Variants in PALS1 observed in about 807,000 individuals in gnomAD.
PALS1 encodes protein associated with LIN7 1, MAGUK p55 family member, also known as protein PALS1.
Under a neutral mutation model 78.9 loss-of-function variants are expected in PALS1, and 31 were observed. The observed-to-expected ratio is 0.39, with a 90% CI of 0.30 to 0.53. The LOEUF (loss-of-function observed/expected upper bound fraction) is 0.53. PALS1 is among the 20% of genes least tolerant of loss of function. The pLI is 0.67. For missense variants in PALS1, 704 were observed against 826.5 expected, an observed-to-expected ratio of 0.85 and a Z score of 1.82; for synonymous variants, 276 against 270.9, an observed-to-expected ratio of 1.02 and a Z score of -0.18.
rs2085305674 is a variant in PALS1 at position 67,323,743 on chromosome 14, T to C, written c.1782T>C (p.Ile594=). Residue 594 remains isoleucine (I), a synonymous_variant, in exon 14 of 15, where the codon ATT becomes ATC. Coordinates refer to ENST00000261681, the MANE Select transcript of PALS1 (RefSeq NM_022474.4). ...TLRNSDLKPY[I]IFIAPPSQER... ...GGAATTCAGATTTGAAACCATATAT[T>C]ATCTTCATTGCACCCCCTTCACAAG... 5.6e-6 allele frequency: 9 copies of C among 1,603,288 alleles called. No individual in the cohort carries two copies. The South Asian group carries it at 7.8e-5, about 14-fold the overall frequency.
chr14:67,308,903 T>C (rs1031551599), intron 8 of PALS1, among the ~76,000 whole-genome samples: 15 of 152,092 alleles, frequency 9.9e-5, no homozygotes, highest in African/African-American at 3.4e-4. Context: ...TTTTGGAACA[T>C]TGGATCCCTA....
chr14:67,301,743 A>T (rs1246731413), intron 5 of PALS1, among the ~76,000 whole-genome samples: 1 of 152,182 alleles, frequency 6.6e-6, no homozygotes, highest in Non-Finnish European at 1.5e-5. Flanking sequence ...TAGGGTGTGT[A>T]GACCTTTACA....
chr14:67,263,691 T>C (rs576389550), intron 1 of PALS1, among the ~76,000 whole-genome samples: 1 of 152,342 alleles, frequency 6.6e-6, no homozygotes, highest in East Asian at 1.9e-4. Context: ...CTCTCCCTAC[T>C]TGTTTTTCTC....
chr14:67,329,794 A>G (rs1190882267), intron 14 of PALS1, among the ~76,000 whole-genome samples: 1 of 152,024 alleles, frequency 6.6e-6, no homozygotes, highest in Non-Finnish European at 1.5e-5. Flanking sequence ...AGTTCGTGCT[A>G]CTGCACTCCA....
chr14:67,252,921 G>A (rs1056555625), intron 1 of PALS1, among the ~76,000 whole-genome samples: 2 of 152,174 alleles, frequency 1.3e-5, no homozygotes, highest in African/African-American at 4.8e-5. Context: ...TTACTGGGAG[G>A]AAATCTAACA....
At chr14:67,323,898 C>A in intron 14 of PALS1, 86 bp downstream of exon 14, 1 of 702,082 alleles carries the variant, frequency 1.4e-6, no homozygotes, top group Non-Finnish European at 2.4e-6. Context: ...TTAAAAGCTA[C>A]ATTAGCTTGA....
At chr14:67,325,510 A>C (rs1349369716) in intron 14 of PALS1, among the ~76,000 whole-genome samples, 3 of 152,210 alleles carry the variant, frequency 2.0e-5, no homozygotes, top group Non-Finnish European at 4.4e-5. Context: ...TACAAAGGAA[A>C]TAGGCAGCAT....
At chr14:67,255,522 TAA>T (rs2084132439) in intron 1 of PALS1, among the ~76,000 whole-genome samples, 1 of 152,222 alleles carries the variant, frequency 6.6e-6, no homozygotes, top group Non-Finnish European at 1.5e-5. Context: ...TCCTAAATAC[TAA>T]AGAGCCATGA....
At chr14:67,252,036 G>C (rs2084072223) in intron 1 of PALS1, among the ~76,000 whole-genome samples, 1 of 152,148 alleles carries the variant, frequency 6.6e-6, no homozygotes, top group South Asian at 2.1e-4. Context: ...ACTGGAGAAG[G>C]CATGGAAGCT....
At chr14:67,324,627 C>T (rs781600995) in intron 14 of PALS1, among the ~76,000 whole-genome samples, 4 of 152,102 alleles carry the variant, frequency 2.6e-5, no homozygotes, top group Non-Finnish European at 5.9e-5. Context: ...CTCTATTGCC[C>T]AGGCTGGAGT....
chr14:67,302,536 C>A lies in PALS1; in HGVS notation c.928C>A (p.Arg310=). The change falls in exon 7 of 15, where the codon CGG becomes AGG. Residue 310 remains arginine, a synonymous_variant. Transcript: ENST00000261681. Reference sequence around the variant, plus strand: ...TCTAGAGATTAATGGCATTGAAATTCGGGGGAAAGATGTCAATGAGGTTTT... The same window carrying A: ...TCTAGAGATTAATGGCATTGAAATTAGGGGGAAAGATGTCAATGAGGTTTT... ...EVLEINGIEI[R]GKDVNEVFDL... 2 of 1,576,394 alleles carry A rather than the reference C, an allele frequency of 1.3e-6. No individual in the cohort carries two copies. The highest frequency in any genetic ancestry group is 1.2e-5 in the South Asian group (1 of 84,192).
At chr14:67,289,235 T>C (rs562410213) in intron 3 of PALS1, among the ~76,000 whole-genome samples, 7 of 152,318 alleles carry the variant, frequency 4.6e-5, no homozygotes, top group African/African-American at 1.7e-4. Flanking sequence ...CCCAAAGTGC[T>C]GGGATTACAG....
chr14:67,324,667 C>T (rs1051562046), intron 14 of PALS1, among the ~76,000 whole-genome samples: 5 of 151,938 alleles, frequency 3.3e-5, no homozygotes, highest in Non-Finnish European at 5.9e-5. Flanking sequence ...TCACTGCAGG[C>T]GCAGACTCTG....
chr14:67,313,139 A>G (rs2085118950), intron 9 of PALS1, among the ~76,000 whole-genome samples: 1 of 152,212 alleles, frequency 6.6e-6, no homozygotes, highest in Admixed American at 6.5e-5. Context: ...CTTAGGGCAG[A>G]AACAGGATGC....
intron 1 of PALS1, among the ~76,000 whole-genome samples, chr14:67,242,576 A>G (rs528613908): frequency 3.3e-5 from 5 of 152,280 alleles, no homozygotes; most frequent in African/African-American, 1.2e-4. Flanking sequence ...TCTTTGAAGT[A>G]TTGGTGGTAA....
chr14:67,323,615 A>AATATATATATATATATAT (rs150511527), intron 13 of PALS1, 87 bp from the exon 14 acceptor site: 168 of 260,256 alleles, frequency 6.5e-4, no homozygotes, highest in Admixed American at 1.2e-3. Flanking sequence ...CCCTTAATCT[A>AATATATATATATATATAT]ATATATATAT....
At chr14:67,281,734 TAGTA>T (rs999929064) in intron 3 of PALS1, among the ~76,000 whole-genome samples, 1 of 152,128 alleles carries the variant, frequency 6.6e-6, no homozygotes, top group African/African-American at 2.4e-5. Flanking sequence ...CGGATTCACT[TAGTA>T]AGAGAACAGT....
At chr14:67,320,028 T>A (rs1000542589) in intron 11 of PALS1, among the ~76,000 whole-genome samples, 17 of 152,234 alleles carry the variant, frequency 1.1e-4, no homozygotes, top group Admixed American at 9.8e-4. Context: ...GCATGAATTT[T>A]TTATTTCAAA....
In PALS1 at chr14:67,324,253, T is replaced by A. The variant is rs76289930; in HGVS notation, c.1851+441T>A. 4.4e-3 allele frequency among the ~76,000 whole-genome samples: 677 copies of A among 152,340 alleles called. 18 individuals carry two copies. In the East Asian group the frequency reaches 0.059, roughly 13 times the overall value. ...ATGGTTTGGAACAGAAAAATTTTTT[T>A]AAATTATTTTAGATCTATGCTAGAT... On this transcript the variant is annotated intron_variant, in intron 14 of 14. Coordinates refer to ENST00000261681, the MANE Select transcript of PALS1 (RefSeq NM_022474.4).
Sources: gnomAD v4.1 joint callset for allele counts (sites outside exome capture counted in the v4.1 genomes callset) on GRCh38, gnomAD v4.1.1 for gene constraint, MANE v1.5 for transcripts, NCBI Gene and HGNC (gene_info 2026-07-23, HGNC 2026-07-21) for gene names.